The following THSD7B variants were observed in gnomAD, a reference collection of about 807,000 sequenced individuals.
THSD7B encodes the protein thrombospondin type 1 domain containing 7B.
THSD7B carries 138 observed loss-of-function variants against 213.6 expected under a neutral mutation model. The observed-to-expected ratio is 0.65, with a 90% confidence interval of 0.56 to 0.74. The LOEUF (loss-of-function observed/expected upper bound fraction) is 0.74. Among genes scored for constraint, THSD7B ranks in the 30% least tolerant of loss-of-function variants. The probability of loss-of-function intolerance (pLI) is 0.00; values close to 1 mark genes in which losing one functional copy is unlikely to be tolerated. For missense variants in THSD7B, 1,931 were observed against 1,991.5 expected (o/e 0.97, Z 0.58); for synonymous variants, 742 against 687.0 (o/e 1.08, Z -1.25).
chr2:137,629,225 C>T (rs1175197877), intron 20 of THSD7B, among the ~76,000 whole-genome samples: 1 of 152,116 alleles, frequency 6.6e-6, no homozygotes, highest in Non-Finnish European at 1.5e-5. Flanking sequence ...TTCTCCTTTG[C>T]CTGAATACCT....
intron 21 of THSD7B, among the ~76,000 whole-genome samples, chr2:137,646,423 C>G (rs1346520439): frequency 6.9e-6 from 1 of 145,802 alleles, no homozygotes; most frequent in Non-Finnish European, 1.5e-5. Flanking sequence ...GGGTGAATCA[C>G]TTGAGGCCAG....
intron 1 of THSD7B, among the ~76,000 whole-genome samples, chr2:136,847,987 C>T (rs184105751): frequency 1.6e-4 from 25 of 152,272 alleles, no homozygotes; most frequent in Middle Eastern, 3.4e-3. Context: ...ACTGGGTTGT[C>T]TCTCACTGTG....
rs551712604 is a variant in THSD7B, at chr2:137,365,793, G to A, written c.2501-39820G>A. On this transcript the variant is annotated intron_variant, in intron 12 of 27. Transcript: ENST00000409968. The stretch of plus-strand genomic sequence containing the variant: ...TAGGAACACTTTTACACTGTTGGTG[G>A]GACTGTAAACTAGTTCAACCATTGT... 3.4e-3 allele frequency among the ~76,000 whole-genome samples: 524 copies of A among 152,268 alleles called. 3 individuals carry two copies. The highest frequency in any genetic ancestry group is 0.012 in the African/African-American group (491 of 41,560).
intron 12 of THSD7B, among the ~76,000 whole-genome samples, chr2:137,328,014 C>T (rs1410913717): frequency 6.6e-6 from 1 of 152,180 alleles, no homozygotes; most frequent in South Asian, 2.1e-4. Flanking sequence ...TGCAATGTTT[C>T]TCCCTCATTG....
chr2:137,559,571 G>A (rs945423559), intron 15 of THSD7B, among the ~76,000 whole-genome samples: 3 of 152,114 alleles, frequency 2.0e-5, no homozygotes, highest in Non-Finnish European at 2.9e-5. Flanking sequence ...ATTCAGGATG[G>A]ACTAATGACT....
intron 27 of THSD7B, 105 bp downstream of exon 27, chr2:137,667,966 G>T: frequency 1.2e-6 from 1 of 858,432 alleles, no homozygotes; most frequent in Non-Finnish European, 1.7e-6. Flanking sequence ...CAGGATTCTT[G>T]AGTCCAAAAA....
intron 12 of THSD7B, among the ~76,000 whole-genome samples, chr2:137,286,012 A>AAGAAT (rs1683166981): frequency 6.6e-6 from 1 of 151,682 alleles, no homozygotes; most frequent in Non-Finnish European, 1.5e-5. Flanking sequence ...GCTGAGGCAG[A>AAGAAT]AGAATCACTT....
chr2:136,779,308 G>GGGAAATAT (rs1156230143), intron 1 of THSD7B, among the ~76,000 whole-genome samples: 2 of 151,420 alleles, frequency 1.3e-5, no homozygotes, highest in Non-Finnish European at 2.9e-5. Flanking sequence ...TTTTTCCTTT[G>GGGAAATAT]GGAAATATGT....
At chr2:137,162,334 G>C (rs753480129) in intron 6 of THSD7B, among the ~76,000 whole-genome samples, 1 of 152,202 alleles carries the variant, frequency 6.6e-6, no homozygotes, top group Non-Finnish European at 1.5e-5. Flanking sequence ...GTCCCCGGAA[G>C]AGTCCTGGAG....
intron 15 of THSD7B, among the ~76,000 whole-genome samples, chr2:137,561,589 G>A (rs1347323639): frequency 1.3e-5 from 2 of 152,086 alleles, no homozygotes; most frequent in Non-Finnish European, 2.9e-5. Context: ...TTCAGTGAAA[G>A]CATCGTTGTC....
Position 137,667,870 on chromosome 2 carries a change from T to C in THSD7B, c.4739+9T>C. The C allele has an allele frequency of 6.4e-7, 1 of 1,564,108 alleles. No homozygotes were observed. The highest frequency in any genetic ancestry group is 8.7e-7 in the Non-Finnish European group (1 of 1,151,576). ...ACTTCCTACCTTGTTTGGTAAGTAC[T>C]AATTAGTAAAAAGTTTATGTTCCGT... On this transcript the variant is annotated intron_variant, in intron 27 of 27. Transcript: ENST00000409968.
At position 136,891,018 on chromosome 2, in the gene THSD7B, C is replaced by T. The variant is rs527885070; in HGVS notation, c.139+8701C>T. Reference sequence around the variant, plus strand: ...TTTTAATGTCTAAATTTTTTTTCTACTTCATCTTTTAACTATTATTTTGAA... The same window carrying T: ...TTTTAATGTCTAAATTTTTTTTCTATTTCATCTTTTAACTATTATTTTGAA... On this transcript the variant is annotated intron_variant, in intron 2 of 27. Coordinates refer to ENST00000409968, the MANE Select transcript of THSD7B (RefSeq NM_001316349.2). 1.1e-4 allele frequency among the ~76,000 whole-genome samples: 17 copies of T among 149,984 alleles called. No homozygotes were observed. In the South Asian group the frequency reaches 3.7e-3, roughly 33 times the overall value.
intron 12 of THSD7B, among the ~76,000 whole-genome samples, chr2:137,316,593 C>G (rs1178010974): frequency 6.6e-6 from 1 of 151,782 alleles, no homozygotes; most frequent in African/African-American, 2.4e-5. Flanking sequence ...GAAACCCTGT[C>G]TCTATAAAAA....
At chr2:136,815,785 A>G (rs953036124) in intron 1 of THSD7B, among the ~76,000 whole-genome samples, 6 of 152,218 alleles carry the variant, frequency 3.9e-5, no homozygotes, top group African/African-American at 1.4e-4. Context: ...ACACACAGAG[A>G]GGTTAAATTT....
chr2:137,137,045 T>G (rs1487054184), intron 5 of THSD7B, among the ~76,000 whole-genome samples: 1 of 152,204 alleles, frequency 6.6e-6, no homozygotes, highest in Non-Finnish European at 1.5e-5. Flanking sequence ...CAGGTATCAA[T>G]GTGCTGTCAG....
chr2:137,323,201 T>C (rs1026520855), intron 12 of THSD7B, among the ~76,000 whole-genome samples: 1 of 152,130 alleles, frequency 6.6e-6, no homozygotes, highest in Non-Finnish European at 1.5e-5. Flanking sequence ...TTCTACAAAA[T>C]GGAAGAGTAT....
intron 3 of THSD7B, among the ~76,000 whole-genome samples, chr2:137,080,081 A>T (rs1351557869): frequency 6.6e-6 from 1 of 151,878 alleles, no homozygotes; most frequent in Admixed American, 6.6e-5. Flanking sequence ...ACCTCAGGTG[A>T]TCCACCTGCT....
At chr2:137,636,159 A>G (rs1682829509) in intron 20 of THSD7B, among the ~76,000 whole-genome samples, 1 of 152,198 alleles carries the variant, frequency 6.6e-6, no homozygotes, top group Admixed American at 6.5e-5. Context: ...TTCATGAACA[A>G]ACATCATTTA....
intron 1 of THSD7B, among the ~76,000 whole-genome samples, chr2:136,799,464 A>G (rs183585560): frequency 5.3e-5 from 8 of 152,118 alleles, no homozygotes; most frequent in Admixed American, 5.2e-4. Context: ...CTTCACCATC[A>G]AATCCACTAA....
Sources: allele counts gnomAD v4.1 joint callset (sites outside exome capture counted in the v4.1 genomes callset), GRCh38; gene constraint gnomAD v4.1.1; transcripts MANE v1.5; gene names NCBI Gene and HGNC (gene_info 2026-07-23, HGNC 2026-07-21).